The following JDP2 variants were observed in gnomAD, a reference collection of about 807,000 sequenced individuals.
The protein encoded by JDP2 is Jun dimerization protein 2.
A neutral mutation model predicts 17.1 loss-of-function variants in JDP2; 9 were observed. The ratio of observed to expected loss-of-function variants is 0.53; its 90% confidence interval spans 0.32 to 0.92. The LOEUF (loss-of-function observed/expected upper bound fraction) is 0.92. JDP2 is among the 40% of genes least tolerant of loss of function. The pLI is 0.04. For synonymous variants in JDP2, 107 were observed against 95.6 expected (o/e 1.12, Z -0.69); for missense variants, 179 against 220.0 (o/e 0.81, Z 1.18).
chr14:75,440,221 C>T (rs755054249), intron 2 of JDP2, among the ~76,000 whole-genome samples: 13 of 152,190 alleles, frequency 8.5e-5, no homozygotes, highest in Admixed American at 4.6e-4. Context: ...TCCTCTCCCT[C>T]GCTGTCAGAC....
chr14:75,454,265 A>C (rs1886002355), intron 2 of JDP2, among the ~76,000 whole-genome samples: 1 of 152,188 alleles, frequency 6.6e-6, no homozygotes, highest in Non-Finnish European at 1.5e-5. Flanking sequence ...TTCTAACTCT[A>C]AAGGCAGTGA....
intron 2 of JDP2, among the ~76,000 whole-genome samples, chr14:75,455,087 T>G (rs917799733): frequency 6.6e-6 from 1 of 152,196 alleles, no homozygotes; most frequent in East Asian, 1.9e-4. Flanking sequence ...ACCTGCTAAA[T>G]GGACTGTGTG....
intron 2 of JDP2, 84 bp downstream of exon 2, chr14:75,438,205 G>A (rs1394483245): frequency 2.7e-6 from 3 of 1,105,094 alleles, no homozygotes; most frequent in Middle Eastern, 2.2e-4. Flanking sequence ...TCAAAGTGTG[G>A]TCTGAGGACC....
Position 75,431,036 on chromosome 14 carries a change from A to AT in JDP2, c.-24+2790dup, listed in dbSNP as rs201327302. ...TGCAAAGCTTCAGCTGGCCAGTGGC[A>AT]TTTTTTAAAAAAAAGACCAGGGCGA... On this transcript the variant is annotated intron_variant, in intron 1 of 3. Transcript: ENST00000651602. 5.3e-3 allele frequency among the ~76,000 whole-genome samples: 806 copies of AT among 152,040 alleles called. 9 individuals carry two copies. The highest frequency in any genetic ancestry group is 0.019 in the African/African-American group (770 of 41,442).
intron 2 of JDP2, chr14:75,445,656 A>G (rs1413144061): frequency 1.2e-5 from 11 of 890,552 alleles, no homozygotes; most frequent in Admixed American, 6.2e-5. Flanking sequence ...TACCATATAC[A>G]TATATTATCT....
chr14:75,427,214 T>C (rs1280987373), upstream of JDP2: 1 of 152,592 alleles, frequency 6.6e-6, no homozygotes, highest in African/African-American at 2.4e-5. This position sits in a 1 kb window ranked among gnomAD's most constrained non-coding sequence, Gnocchi z 4.4. Context: ...GTCTGCTCAC[T>C]GCTGTGTCCG....
At chr14:75,467,142 TCA>T (rs1886597698) in intron 3 of JDP2, among the ~76,000 whole-genome samples, 1 of 152,150 alleles carries the variant, frequency 6.6e-6, no homozygotes, top group Non-Finnish European at 1.5e-5. Context: ...ACCCACCTTC[TCA>T]CTTTCTACCC....
At chr14:75,438,714 G>C (rs1016440715) in intron 2 of JDP2, among the ~76,000 whole-genome samples, 6 of 152,148 alleles carry the variant, frequency 3.9e-5, no homozygotes, top group African/African-American at 1.4e-4. Flanking sequence ...GTTTGCCCGG[G>C]ACCCACACGT....
At chr14:75,432,365 C>T (rs1269171506) in intron 1 of JDP2, 3 of 1,550,162 alleles carry the variant, frequency 1.9e-6, no homozygotes, top group East Asian at 2.4e-5. Context: ...CCTGGCCTGG[C>T]ACCTTTCTGA....
chr14:75,439,464 C>T (rs929402883), intron 2 of JDP2, among the ~76,000 whole-genome samples: 2 of 152,260 alleles, frequency 1.3e-5, no homozygotes, highest in Admixed American at 6.5e-5. Flanking sequence ...TGGACAGAGG[C>T]ACTTCACTGT....
intron 2 of JDP2, among the ~76,000 whole-genome samples, chr14:75,449,403 C>T (rs1355254405): frequency 6.6e-6 from 1 of 152,200 alleles, no homozygotes; most frequent in Non-Finnish European, 1.5e-5. Flanking sequence ...CTCTTGTCTC[C>T]ATTTTTGACC....
chr14:75,449,676 G>A (rs750453182), intron 2 of JDP2, among the ~76,000 whole-genome samples: 2 of 152,142 alleles, frequency 1.3e-5, no homozygotes, highest in Non-Finnish European at 2.9e-5. Context: ...ATATGAAATG[G>A]GCCTGAAATA....
At chr14:75,439,010 G>A (rs1037473988) in intron 2 of JDP2, among the ~76,000 whole-genome samples, 7 of 152,342 alleles carry the variant, frequency 4.6e-5, no homozygotes, top group Admixed American at 1.3e-4. Context: ...GGCTGGGATC[G>A]GGAGGGCGCA....
At chr14:75,467,726 C>T (rs556607438) in intron 3 of JDP2, among the ~76,000 whole-genome samples, 15 of 152,238 alleles carry the variant, frequency 9.9e-5, no homozygotes, top group African/African-American at 2.6e-4. Context: ...CATGGATTCA[C>T]GAGGGGTCTC....
intron 2 of JDP2, among the ~76,000 whole-genome samples, chr14:75,448,678 G>T (rs979765077): frequency 8.5e-5 from 13 of 152,162 alleles, no homozygotes; most frequent in African/African-American, 3.1e-4. Context: ...CCACGTCCAC[G>T]CCCTAAGGGA....
chr14:75,428,551 C>T lies in JDP2; in HGVS notation c.-24+299C>T, dbSNP rs1884644530. 1 of 152,276 alleles carries T rather than the reference C, an allele frequency of 6.6e-6. No homozygotes were observed. Among genetic ancestry groups the T allele is most frequent in the Non-Finnish European group, 1.5e-5 (1 of 68,100 alleles). The allele number at this position is 152,276 out of a possible 1,614,324, so 9.4% of individuals were successfully genotyped here. ...GCTCCCTCCTTCTCCCTCCCGCGCTCTCCTCCCCCGTCCGTTTGCAGGGAG... is the reference window on the plus strand; with the variant it reads ...GCTCCCTCCTTCTCCCTCCCGCGCTTTCCTCCCCCGTCCGTTTGCAGGGAG... On this transcript the variant is annotated intron_variant, in intron 1 of 3. Transcript: ENST00000651602. This position sits in a 1 kb window ranked among gnomAD's most constrained non-coding sequence, Gnocchi z 5.6.
intron 2 of JDP2, among the ~76,000 whole-genome samples, chr14:75,449,636 A>G (rs1885759509): frequency 6.6e-6 from 1 of 152,240 alleles, no homozygotes; most frequent in Non-Finnish European, 1.5e-5. Context: ...TTGATTGCCT[A>G]GTGGGAAACT....
chr14:75,437,821 TGGCAAGACGAG>T lies in JDP2; in HGVS notation c.-23-74_-23-64del, dbSNP rs1885140131. 6.0e-6 allele frequency: 6 copies of T among 1,006,722 alleles called. No individual in the cohort carries two copies. In the South Asian group the frequency reaches 8.3e-5, roughly 14 times the overall value. 62.4% of individuals were successfully genotyped at this position (1,006,722 alleles called of 1,614,324 possible). ...ACATTGGTGAAAGAAGCCACAGTCCTGGCAAGACGAGGGACTTGAGCCCTCCTGGAGCCCCC... is the reference window on the plus strand; with the variant it reads ...ACATTGGTGAAAGAAGCCACAGTCCTGGACTTGAGCCCTCCTGGAGCCCCC... On this transcript the variant is annotated intron_variant, in intron 1 of 3. Coordinates refer to ENST00000651602, the MANE Select transcript of JDP2 (RefSeq NM_001135048.2).
chr14:75,433,195 C>CAAAAAA (rs780191475), intron 1 of JDP2, among the ~76,000 whole-genome samples: 795 of 19,408 alleles, frequency 0.041, 148 homozygotes, highest in East Asian at 0.15. Context: ...AACTCCGTCT[C>CAAAAAA]AAAAAAAAAA....
Sources: allele counts gnomAD v4.1 joint callset (sites outside exome capture counted in the v4.1 genomes callset), GRCh38; gene constraint gnomAD v4.1.1; non-coding constraint Gnocchi (gnomAD v3.1); transcripts MANE v1.5; gene names NCBI Gene and HGNC (gene_info 2026-07-23, HGNC 2026-07-21).